The following CMAS variants were observed in gnomAD, a reference collection of about 807,000 sequenced individuals.
CMAS encodes the protein cytidine monophosphate N-acetylneuraminic acid synthetase, also known as N-acylneuraminate cytidylyltransferase.
In CMAS, 21 loss-of-function variants were observed where a neutral mutation model predicts 53.4. The observed-to-expected ratio is 0.39, with a 90% CI of 0.28 to 0.57. CMAS has a LOEUF of 0.57. CMAS is among the 20% of genes least tolerant of loss of function. The pLI, the probability that CMAS is intolerant of heterozygous loss-of-function variation, is 0.56. For synonymous variants in CMAS, 189 were observed against 195.2 expected (o/e 0.97, Z 0.27); for missense variants, 384 against 534.9 (o/e 0.72, Z 2.78).
chr12:22,046,604 G>A (rs369569903), intron 1 of CMAS, 41 bp downstream of exon 1: 4 of 1,482,260 alleles, frequency 2.7e-6, no homozygotes, highest in African/African-American at 2.9e-5. Flanking sequence ...CTGGGCGGGG[G>A]TCGGGAGAGG....
At position 22,046,285 on chromosome 12, in the gene CMAS, G is replaced by C. The variant is rs1342974172; in HGVS notation, c.-19G>C. 3 of 1,435,330 alleles carry C rather than the reference G, an allele frequency of 2.1e-6. No homozygotes were observed. The highest frequency in any genetic ancestry group is 2.7e-6 in the Non-Finnish European group (3 of 1,091,318). The allele number at this position is 1,435,330 out of a possible 1,614,324, so 88.9% of individuals were successfully genotyped here. On this transcript the variant is annotated 5_prime_UTR_variant, in exon 1 of 8. Transcript: ENST00000229329. ...AGCTCCCGGATGTGGAGAAGCTGGG[G>C]AGAAGGCGTGGGAGGAAGATGGACT... is the stretch of plus-strand genomic sequence containing the variant.
chr12:22,048,705 A>G (rs1462232941), intron 1 of CMAS, among the ~76,000 whole-genome samples: 2 of 152,242 alleles, frequency 1.3e-5, no homozygotes. Flanking sequence ...ACCCTGTCTC[A>G]GTGAAATGCG....
chr12:22,048,305 A>G (rs1195493234), intron 1 of CMAS, among the ~76,000 whole-genome samples: 3 of 152,226 alleles, frequency 2.0e-5, no homozygotes, highest in Non-Finnish European at 4.4e-5. Flanking sequence ...AGGATGGTGC[A>G]CTTTGTTGCC....
rs773687141 is a variant in CMAS at position 22,046,527 on chromosome 12, T to G, written c.224T>G (p.Val75Gly). 5 of 1,601,698 alleles carry G rather than the reference T, an allele frequency of 3.1e-6. No homozygotes were observed. The highest frequency in any genetic ancestry group is 4.3e-6 in the Non-Finnish European group (5 of 1,175,426). Reference sequence around the variant, plus strand: ...GCGGGGGTCCCGCTCATTGGCTGGGTCCTGCGTGCGGCCCTGGATTCAGGG... The same window carrying G: ...GCGGGGGTCCCGCTCATTGGCTGGGGCCTGCGTGCGGCCCTGGATTCAGGG... ...HLAGVPLIGW[V>G]LRAALDSGAF... Residue 75 changes from valine to glycine, a missense_variant, in exon 1 of 8, where the codon GTC (valine) becomes GGC (glycine). Around this residue, in one of 3 missense-constraint regions of CMAS, gnomAD observed 111 missense variants for 132.2 expected, o/e 0.84. Transcript: ENST00000229329.
chr12:22,048,171 A>G (rs1950218590), intron 1 of CMAS, among the ~76,000 whole-genome samples: 1 of 152,252 alleles, frequency 6.6e-6, no homozygotes, highest in Non-Finnish European at 1.5e-5. Flanking sequence ...GTAGCAGTAG[A>G]GACAGCCCTT....
At chr12:22,059,943 A>G (rs999621657) in intron 4 of CMAS, among the ~76,000 whole-genome samples, 7 of 152,168 alleles carry the variant, frequency 4.6e-5, no homozygotes, top group African/African-American at 1.7e-4. Context: ...ACCCTTGCCT[A>G]GAATCAAGAG....
At chr12:22,046,669 G>C in intron 1 of CMAS, 106 bp downstream of exon 1, 1 of 1,291,960 alleles carries the variant, frequency 7.7e-7, no homozygotes, top group Admixed American at 3.2e-5. Context: ...TTGGAAGGGG[G>C]CCATCTCTCA....
intron 4 of CMAS, 194 bp from the exon 5 acceptor site, chr12:22,060,638 A>C (rs1950303126): frequency 2.3e-6 from 1 of 440,522 alleles, no homozygotes. Context: ...TGGGAGGCAG[A>C]GTGAAACCCT....
chr12:22,064,914 T>G (rs1379053679), intron 7 of CMAS, among the ~76,000 whole-genome samples: 1 of 152,106 alleles, frequency 6.6e-6, no homozygotes, highest in African/African-American at 2.4e-5. Flanking sequence ...CTCATAAGAG[T>G]TTATTTTTGA....
At position 22,062,253 on chromosome 12, in the gene CMAS, TC is replaced by T. The variant is rs772415101; in HGVS notation, c.961-26del. 3.3e-6 allele frequency: 5 copies of T among 1,524,512 alleles called. 1 individual carries two copies. The South Asian group carries it at 6.2e-5, about 19-fold the overall frequency. 94.4% of individuals were successfully genotyped at this position (1,524,512 alleles called of 1,614,324 possible). Reference sequence around the variant, plus strand: ...CACTTTTTAATTTTTCCCTTCTTCCTCCAATCCTTTTTTTTTTTTTTTTTAA... The same window carrying T: ...CACTTTTTAATTTTTCCCTTCTTCCTCAATCCTTTTTTTTTTTTTTTTTAA... On this transcript the variant is annotated intron_variant, in intron 6 of 7. Transcript: ENST00000229329.
At chr12:22,058,996 A>G (rs1370217549) in intron 4 of CMAS, among the ~76,000 whole-genome samples, 4 of 151,874 alleles carry the variant, frequency 2.6e-5, no homozygotes, top group African/African-American at 9.7e-5. Flanking sequence ...ACTCAAAACT[A>G]CGTAATCCAT....
At chr12:22,064,981 A>G (rs1950336606) in intron 7 of CMAS, 140 bp from the exon 8 acceptor site, 1 of 541,592 alleles carries the variant, frequency 1.8e-6, no homozygotes, top group Non-Finnish European at 3.2e-6. Flanking sequence ...TGTTCCATCT[A>G]ATCTTTAGTA....
intron 3 of CMAS, 93 bp downstream of exon 3, chr12:22,055,703 G>A: frequency 9.5e-7 from 1 of 1,051,080 alleles, no homozygotes; most frequent in Non-Finnish European, 1.4e-6. Flanking sequence ...GAGTAAAAGG[G>A]GAGCTGTAAA....
chr12:22,047,942 A>G (rs565356502), intron 1 of CMAS, among the ~76,000 whole-genome samples: 1 of 152,246 alleles, frequency 6.6e-6, no homozygotes, highest in African/African-American at 2.4e-5. Context: ...AGAGATCAAA[A>G]TCATATTCAC....
In CMAS at chr12:22,046,451, C is replaced by T. The variant is rs1387052085; in HGVS notation, c.148C>T (p.Leu50=). Residue 50 remains leucine, a synonymous_variant, in exon 1 of 8, where the codon CTG becomes TTG. Transcript: ENST00000229329. ...GCCCCCGCACCTGGCAGCCCTAATT[C>T]TGGCCCGGGGAGGCAGCAAAGGCAT... ...EKPPHLAALI[L]ARGGSKGIPL... 6 of 1,610,122 alleles carry T rather than the reference C, an allele frequency of 3.7e-6. No homozygotes were observed. The African/African-American group carries it at 5.4e-5, about 14-fold the overall frequency.
intron 4 of CMAS, among the ~76,000 whole-genome samples, chr12:22,059,148 ATTTT>A (rs10615874): frequency 0.021 from 2,897 of 139,804 alleles, 94 homozygotes; most frequent in African/African-American, 0.074. Context: ...ATATATATAT[ATTTT>A]TTTTTTTTTT....
chr12:22,055,120 G>T, intron 1 of CMAS, 29 bp from the exon 2 acceptor site: 1 of 1,533,516 alleles, frequency 6.5e-7, no homozygotes. Flanking sequence ...TTTTGATTTG[G>T]CTGTTAATTT....
rs966084267 is a variant in CMAS, at chr12:22,046,218, A to G, written c.-86A>G. ...GGGACGGCCGCGCGCGCCAGCTGCCAGGCGGGGATCGGGCGGCGCCGAGCT... is the reference window on the plus strand; with the variant it reads ...GGGACGGCCGCGCGCGCCAGCTGCCGGGCGGGGATCGGGCGGCGCCGAGCT... On this transcript the variant is annotated 5_prime_UTR_variant, in exon 1 of 8. Transcript: ENST00000229329. The G allele has an allele frequency of 1.5e-5, 20 of 1,297,902 alleles. No homozygotes were observed. In the African/African-American group the frequency reaches 1.6e-4, roughly 10 times the overall value. 80.4% of individuals were successfully genotyped at this position (1,297,902 alleles called of 1,614,324 possible). A position where few individuals can be genotyped will look rare whatever the true frequency, so the allele number is the denominator to read the frequency against.
At chr12:22,061,253 C>T in intron 5 of CMAS, 28 bp from the exon 6 acceptor site, 4 of 1,548,260 alleles carry the variant, frequency 2.6e-6, no homozygotes, top group Non-Finnish European at 3.6e-6. Context: ...TGCACTTGTA[C>T]TCAAAGGTCT....
Sources: allele counts gnomAD v4.1 joint callset (sites outside exome capture counted in the v4.1 genomes callset), GRCh38; gene constraint gnomAD v4.1.1; regional missense constraint gnomAD v4.1.1; transcripts MANE v1.5; gene names NCBI Gene and HGNC (gene_info 2026-07-23, HGNC 2026-07-21).